SMOC2: variants seen among roughly 807,000 people sequenced by gnomAD.
SMOC2 encodes the protein SPARC related modular calcium binding 2, also known as SPARC-related modular calcium-binding protein 2.
A neutral mutation model predicts 61.4 loss-of-function variants in SMOC2; 39 were observed. That is an observed-to-expected ratio of 0.64 (90% CI 0.49 to 0.83). The LOEUF (loss-of-function observed/expected upper bound fraction) is 0.83. SMOC2 is among the 40% of genes least tolerant of loss of function. The pLI is 0.00. For missense variants in SMOC2, 556 were observed against 592.9 expected, an observed-to-expected ratio of 0.94 and a Z score of 0.65; for synonymous variants, 247 against 239.9, an observed-to-expected ratio of 1.03 and a Z score of -0.27.
chr6:168,576,763 G>A (rs1784813289), intron 7 of SMOC2, among the ~76,000 whole-genome samples: 1 of 152,024 alleles, frequency 6.6e-6, no homozygotes, highest in African/African-American at 2.4e-5. Flanking sequence ...AGGTTTTCTG[G>A]CAGTGTCGTG....
chr6:168,520,636 A>G (rs1783308411), intron 2 of SMOC2, among the ~76,000 whole-genome samples: 1 of 152,224 alleles, frequency 6.6e-6, no homozygotes, highest in Non-Finnish European at 1.5e-5. Context: ...ATGAGACACC[A>G]CAGTCATTAC....
At chr6:168,489,223 G>T (rs1323369514) in intron 1 of SMOC2, among the ~76,000 whole-genome samples, 1 of 147,928 alleles carries the variant, frequency 6.8e-6, no homozygotes, top group African/African-American at 2.5e-5. Context: ...AAATCGTCTG[G>T]GTCCTCTTGG....
At position 168,666,766 on chromosome 6, in the gene SMOC2, G is replaced by A. The variant is rs148924187; in HGVS notation, c.*328G>A. 45 of 298,148 alleles carry A rather than the reference G, an allele frequency of 1.5e-4. No homozygotes were observed. The highest frequency in any genetic ancestry group is 1.0e-3 in the Middle Eastern group (1 of 982). 18.5% of individuals were successfully genotyped at this position (298,148 alleles called of 1,614,324 possible). On this transcript the variant is annotated 3_prime_UTR_variant, in exon 13 of 13. Transcript: ENST00000356284. ...AGCTCTATGCACTCCGGCTGCAATCGTATGGCTTTCTCTAACCCCTGCAGT... is the reference window on the plus strand; with the variant it reads ...AGCTCTATGCACTCCGGCTGCAATCATATGGCTTTCTCTAACCCCTGCAGT...
intron 1 of SMOC2, among the ~76,000 whole-genome samples, chr6:168,482,489 T>C (rs942287197): frequency 6.6e-5 from 10 of 152,064 alleles, no homozygotes; most frequent in Admixed American, 6.6e-4. Context: ...TACCAAACTT[T>C]AAGAAATGAA....
intron 9 of SMOC2, among the ~76,000 whole-genome samples, chr6:168,639,911 G>T (rs536813028): frequency 6.6e-6 from 1 of 152,210 alleles, no homozygotes. Flanking sequence ...ACAGCCTCCT[G>T]AGAGGGAGCC....
rs573313374 is a variant in SMOC2 at position 168,472,698 on chromosome 6, A to G, written c.84+31244A>G. ...TTAGTAAAATTATCATCCTCTTGCA[A>G]ATTGTTGGGAATGCAGGCATTTTTT... On this transcript the variant is annotated intron_variant, in intron 1 of 12. Coordinates refer to ENST00000356284, the MANE Select transcript of SMOC2 (RefSeq NM_001166412.2). 1.3e-4 allele frequency among the ~76,000 whole-genome samples: 20 copies of G among 152,188 alleles called. 1 individual carries two copies. Among genetic ancestry groups the G allele is most frequent in the African/African-American group, 4.8e-4 (20 of 41,552 alleles).
intron 1 of SMOC2, among the ~76,000 whole-genome samples, chr6:168,476,786 CT>C (rs1177687472): frequency 1.3e-5 from 2 of 151,970 alleles, no homozygotes; most frequent in African/African-American, 4.8e-5. Flanking sequence ...CTGATTTTTT[CT>C]TCACATATAT....
In SMOC2 at chr6:168,653,395, T is replaced by C. The variant is rs563017407; in HGVS notation, c.1285+167T>C. ...CTGTTTGCAGAAATAATAATGATAATTGGCGACTCATCACATGCCACTTGC... is the reference window on the plus strand; with the variant it reads ...CTGTTTGCAGAAATAATAATGATAACTGGCGACTCATCACATGCCACTTGC... On this transcript the variant is annotated intron_variant, in intron 11 of 12. Transcript: ENST00000356284. Among the ~76,000 whole-genome samples the C allele has an allele frequency of 2.6e-5, 4 of 152,360 alleles. No individual in the cohort carries two copies. In the East Asian group the frequency reaches 7.7e-4, roughly 29 times the overall value.
intron 2 of SMOC2, among the ~76,000 whole-genome samples, chr6:168,510,877 T>C (rs1782990652): frequency 3.3e-5 from 5 of 152,178 alleles, no homozygotes; most frequent in Admixed American, 3.3e-4. Context: ...AAGGCAGAAT[T>C]TTGCCTTGTT....
chr6:168,608,390 TC>T, intron 9 of SMOC2, 151 bp downstream of exon 9: 1 of 876,104 alleles, frequency 1.1e-6, no homozygotes, highest in Non-Finnish European at 1.7e-6. Context: ...GGGCCCTGAG[TC>T]CAGGCAGGGA....
chr6:168,615,128 T>C (rs146137179), intron 9 of SMOC2, among the ~76,000 whole-genome samples: 1,187 of 14,762 alleles, frequency 0.08, 49 homozygotes, highest in Middle Eastern at 0.2. Context: ...CCTCTTTACA[T>C]CTACAGCCAG....
chr6:168,657,820 G>A (rs956753699), intron 11 of SMOC2, among the ~76,000 whole-genome samples: 1 of 152,124 alleles, frequency 6.6e-6, no homozygotes, highest in African/African-American at 2.4e-5. Context: ...TTCTTTCCTA[G>A]GAGCCCACTC....
At chr6:168,659,699 G>A (rs1787443690) in intron 11 of SMOC2, among the ~76,000 whole-genome samples, 2 of 150,950 alleles carry the variant, frequency 1.3e-5, no homozygotes, top group Non-Finnish European at 3.0e-5. Flanking sequence ...GTAGGGTGAG[G>A]GTGGAGGTTG....
intron 1 of SMOC2, among the ~76,000 whole-genome samples, chr6:168,473,367 A>G (rs1383920984): frequency 3.9e-5 from 6 of 152,192 alleles, no homozygotes; most frequent in Non-Finnish European, 5.9e-5. Context: ...CCCAATTGGC[A>G]TTGCTCAGGT....
Position 168,626,364 on chromosome 6 carries a change from AT to A in SMOC2, c.907+18127del, listed in dbSNP as rs1458204704. On this transcript the variant is annotated intron_variant, in intron 9 of 12. Coordinates refer to ENST00000356284, the MANE Select transcript of SMOC2 (RefSeq NM_001166412.2). ...CGTCTGTTTTTCCTCGTCAGGAATA[AT>A]TGACGATGTGTGCGAGATTTCTGCA... Among the ~76,000 whole-genome samples the A allele has an allele frequency of 8.5e-5, 13 of 152,284 alleles. No homozygotes were observed. In the East Asian group the frequency reaches 2.5e-3, roughly 29 times the overall value.
chr6:168,650,755 G>C lies in SMOC2; in HGVS notation c.982G>C (p.Ala328Pro). The C allele has an allele frequency of 6.2e-7, 1 of 1,612,518 alleles. No homozygotes were observed. Among genetic ancestry groups the C allele is most frequent in the South Asian group, 1.1e-5 (1 of 90,996 alleles). Residue 328 changes from alanine to proline, a missense_variant, in exon 10 of 13, where the codon GCC becomes CCC. Physicochemically the swap from Ala to Pro is conservative, Grantham distance 27. Coordinates refer to ENST00000356284, the MANE Select transcript of SMOC2 (RefSeq NM_001166412.2). ...GCTGTCCACGGACATGGTCCACGCC[G>C]CCTCCGACCCCTCCTCCTCGTCAGG... is the stretch of plus-strand genomic sequence containing the variant. ...DALSTDMVHA[A>P]SDPSSSSGRL...
At chr6:168,516,667 A>G (rs1040425946) in intron 2 of SMOC2, among the ~76,000 whole-genome samples, 2 of 152,184 alleles carry the variant, frequency 1.3e-5, no homozygotes, top group African/African-American at 2.4e-5. Context: ...AGGTATCACA[A>G]TCAGATTCGA....
At chr6:168,499,738 G>A (rs750617794) in intron 1 of SMOC2, among the ~76,000 whole-genome samples, 2 of 152,188 alleles carry the variant, frequency 1.3e-5, no homozygotes, top group Non-Finnish European at 2.9e-5. Flanking sequence ...CTGGGAGCCC[G>A]TGAGGAGCTA....
At chr6:168,642,653 G>T (rs1786921958) in intron 9 of SMOC2, among the ~76,000 whole-genome samples, 1 of 152,220 alleles carries the variant, frequency 6.6e-6, no homozygotes, top group Non-Finnish European at 1.5e-5. Context: ...TCTAAGGCCA[G>T]GCCCTTGAGG....
Sources: allele counts gnomAD v4.1 joint callset (sites outside exome capture counted in the v4.1 genomes callset), GRCh38; gene constraint gnomAD v4.1.1; transcripts MANE v1.5; gene names NCBI Gene and HGNC (gene_info 2026-07-23, HGNC 2026-07-21).